Variants in IBTK observed in about 807,000 individuals in gnomAD.
The protein encoded by IBTK is inhibitor of Bruton tyrosine kinase.
Under a neutral mutation model 154.9 loss-of-function variants are expected in IBTK, and 83 were observed. The ratio of observed to expected loss-of-function variants is 0.54; its 90% confidence interval spans 0.45 to 0.64. The LOEUF (loss-of-function observed/expected upper bound fraction) is 0.64. Among genes scored for constraint, IBTK ranks in the 30% least tolerant of loss-of-function variants. The pLI, the probability that IBTK is intolerant of heterozygous loss-of-function variation, is 0.00. For missense variants in IBTK, 1,332 were observed against 1,584.6 expected (o/e 0.84, Z 2.71); for synonymous variants, 515 against 536.1 (o/e 0.96, Z 0.54).
chr6:82,188,991 C>T (rs773306301), intron 25 of IBTK: 8 of 433,294 alleles, frequency 1.8e-5, no homozygotes, highest in South Asian at 1.3e-4. Flanking sequence ...GATCGCACCA[C>T]TGCACTCAAA....
intron 1 of IBTK, among the ~76,000 whole-genome samples, chr6:82,245,964 ATT>A (rs1771127593): frequency 6.6e-6 from 1 of 152,164 alleles, no homozygotes; most frequent in African/African-American, 2.4e-5. Context: ...TATAGGTGAA[ATT>A]TTGTTTTATA....
intron 21 of IBTK, among the ~76,000 whole-genome samples, chr6:82,199,391 T>G (rs967734687): frequency 6.6e-6 from 1 of 152,188 alleles, no homozygotes; most frequent in Admixed American, 6.5e-5. Context: ...TCTTTCATCT[T>G]TTCAGTAAGT....
At position 82,245,179 on chromosome 6, in the gene IBTK, A is replaced by T. The variant is rs1424467954; in HGVS notation, c.-358+2383T>A. Among the ~76,000 whole-genome samples, 13 of 152,302 alleles carry T rather than the reference A, an allele frequency of 8.5e-5. No individual in the cohort carries two copies. In the East Asian group the frequency reaches 1.5e-3, roughly 18 times the overall value. On this transcript the variant is annotated intron_variant, in intron 1 of 28. Coordinates refer to ENST00000306270, the MANE Select transcript of IBTK (RefSeq NM_015525.4). ...ATAAACCTATGGTCAAGATAAAACAAGTGACACATAGGAACGGGGAGTGCA... is the reference window on the plus strand; with the variant it reads ...ATAAACCTATGGTCAAGATAAAACATGTGACACATAGGAACGGGGAGTGCA...
intron 2 of IBTK, among the ~76,000 whole-genome samples, chr6:82,238,069 C>A (rs1013610601): frequency 6.6e-6 from 1 of 151,914 alleles, no homozygotes; most frequent in Non-Finnish European, 1.5e-5. Flanking sequence ...CATGGGGAAA[C>A]CCCGTCTCTA....
intron 1 of IBTK, among the ~76,000 whole-genome samples, chr6:82,242,562 G>GT (rs1770992313): frequency 6.6e-6 from 1 of 152,208 alleles, no homozygotes; most frequent in Admixed American, 6.5e-5. Flanking sequence ...AATACATTCT[G>GT]TAATTTGATA....
At chr6:82,236,485 C>T (rs888388921) in intron 2 of IBTK, among the ~76,000 whole-genome samples, 5 of 152,182 alleles carry the variant, frequency 3.3e-5, no homozygotes, top group African/African-American at 1.2e-4. Flanking sequence ...ACAACAGATA[C>T]AGCAGGACTC....
rs1768327987 is a variant in IBTK, at chr6:82,181,829, C to T, written c.3725+50G>A. ...ATTATTTCAGAACATAAAACCACCA[C>T]AGAATATTTTAAGGTAGAAAATGTA... is the stretch of plus-strand genomic sequence containing the variant. On this transcript the variant is annotated intron_variant, in intron 26 of 28. Coordinates refer to ENST00000306270, the MANE Select transcript of IBTK (RefSeq NM_015525.4). The T allele has an allele frequency of 2.3e-6, 3 of 1,309,480 alleles. No homozygotes were observed. In the East Asian group the frequency reaches 7.4e-5, roughly 32 times the overall value. The allele number at this position is 1,309,480 out of a possible 1,614,324, so 81.1% of individuals were successfully genotyped here.
chr6:82,240,023 A>G (rs1770881267), intron 2 of IBTK, 143 bp downstream of exon 2: 1 of 639,190 alleles, frequency 1.6e-6, no homozygotes, highest in Non-Finnish European at 2.6e-6. Context: ...TTTTAATTCC[A>G]AAGATCAGTT....
intron 3 of IBTK, among the ~76,000 whole-genome samples, chr6:82,232,648 T>G (rs1459278264): frequency 6.6e-6 from 1 of 152,216 alleles, no homozygotes; most frequent in Non-Finnish European, 1.5e-5. Context: ...TTTTCTTTTC[T>G]GCCAATTCCC....
intron 18 of IBTK, 87 bp from the exon 19 acceptor site, chr6:82,201,569 G>T: frequency 1.2e-6 from 1 of 832,246 alleles, no homozygotes; most frequent in Non-Finnish European, 1.9e-6. Flanking sequence ...ATTTCATATT[G>T]CTAGATAAGT....
intron 6 of IBTK, 41 bp downstream of exon 6, chr6:82,225,436 T>A (rs1770258930): frequency 2.0e-6 from 3 of 1,518,672 alleles, no homozygotes; most frequent in Non-Finnish European, 2.7e-6. Flanking sequence ...CAGGTTTTAT[T>A]GCAAATGTAA....
chr6:82,198,069 CTT>C (rs1769066049), intron 21 of IBTK, among the ~76,000 whole-genome samples: 1 of 152,172 alleles, frequency 6.6e-6, no homozygotes, highest in African/African-American at 2.4e-5. Flanking sequence ...CTTCAAATCA[CTT>C]ATGTTTTTTG....
intron 1 of IBTK, among the ~76,000 whole-genome samples, chr6:82,242,160 G>A (rs1006826714): frequency 6.6e-6 from 1 of 151,806 alleles, no homozygotes; most frequent in Admixed American, 6.6e-5. Flanking sequence ...ACCTGAGGTT[G>A]GGAGTTTGAG....
At chr6:82,223,670 C>T in intron 7 of IBTK, 50 bp from the exon 8 acceptor site, 1 of 1,495,148 alleles carries the variant, frequency 6.7e-7, no homozygotes, top group Non-Finnish European at 9.2e-7. Flanking sequence ...TTTTAAGAGT[C>T]CTATTTAGCC....
At chr6:82,178,810 G>A (rs1768209293) in intron 26 of IBTK, among the ~76,000 whole-genome samples, 1 of 152,202 alleles carries the variant, frequency 6.6e-6, no homozygotes. Flanking sequence ...TGAAAGAAGA[G>A]TCAGAGTCGT....
At chr6:82,235,141 G>C (rs879697710) in intron 2 of IBTK, among the ~76,000 whole-genome samples, 1 of 152,062 alleles carries the variant, frequency 6.6e-6, no homozygotes, top group African/African-American at 2.4e-5. Context: ...TTACAGGTGT[G>C]AGCCACCGTT....
intron 22 of IBTK, among the ~76,000 whole-genome samples, chr6:82,195,450 T>C (rs1040609807): frequency 1.3e-5 from 2 of 151,836 alleles, no homozygotes; most frequent in Non-Finnish European, 2.9e-5. Flanking sequence ...TGATGGTGCG[T>C]GCTTATAATC....
At chr6:82,189,363 T>G (rs942439446) in intron 25 of IBTK, among the ~76,000 whole-genome samples, 1 of 152,130 alleles carries the variant, frequency 6.6e-6, no homozygotes, top group Non-Finnish European at 1.5e-5. Context: ...TGGCATTGAA[T>G]AAATTCTCCA....
At chr6:82,200,838 C>T (rs911737159) in intron 19 of IBTK, 130 bp from the exon 20 acceptor site, 1 of 977,864 alleles carries the variant, frequency 1.0e-6, no homozygotes, top group Non-Finnish European at 1.4e-6. Context: ...TGGCCCCAAG[C>T]AAACCTCCCA....
Sources: allele counts gnomAD v4.1 joint callset (sites outside exome capture counted in the v4.1 genomes callset), GRCh38; gene constraint gnomAD v4.1.1; transcripts MANE v1.5; gene names NCBI Gene and HGNC (gene_info 2026-07-23, HGNC 2026-07-21).